The following AARSD1 variants were observed in gnomAD, a reference collection of about 807,000 sequenced individuals.
AARSD1 encodes the protein alanyl-tRNA editing protein Aarsd1.
AARSD1 carries 44 observed loss-of-function variants against 48.7 expected under a neutral mutation model. The observed-to-expected ratio is 0.90, with a 90% CI of 0.71 to 1.16. AARSD1 has a LOEUF of 1.16. Among genes scored for constraint, AARSD1 ranks in the 50% most tolerant of loss-of-function variants. AARSD1 has a pLI of 0.00. For synonymous variants in AARSD1, 189 were observed against 194.9 expected (o/e 0.97, Z 0.25); for missense variants, 511 against 523.1 (o/e 0.98, Z 0.23).
intron 8 of AARSD1, 47 bp from the exon 9 acceptor site, chr17:42,955,014 T>C (rs1179091560): frequency 6.2e-7 from 1 of 1,613,082 alleles, no homozygotes; most frequent in Admixed American, 1.7e-5. Context: ...AGGATAACAA[T>C]AGAGAGTATC....
Position 42,961,193 on chromosome 17 carries a change from T to C in AARSD1, c.330A>G (p.Ser110=), listed in dbSNP as rs774882586. ...TATGTCCCCCATCCCAGCCTTTACC[T>C]GAATGCTGCTGCATGTGGTCAAACC... ...ERRFDHMQQH[S]GQHLITAVAD... is the part of the protein sequence containing the mutation. Residue 110 remains serine (S), a splice_region_variant and synonymous_variant, in exon 3 of 12, where the codon TCA becomes TCG. Transcript: ENST00000427569. 3 of 1,609,674 alleles carry C rather than the reference T, an allele frequency of 1.9e-6. No individual in the cohort carries two copies. The highest frequency in any genetic ancestry group is 2.5e-6 in the Non-Finnish European group (3 of 1,176,916).
At chr17:42,954,253 G>A (rs1262255983) in intron 9 of AARSD1, among the ~76,000 whole-genome samples, 2 of 151,996 alleles carry the variant, frequency 1.3e-5, no homozygotes, top group African/African-American at 4.8e-5. Flanking sequence ...CTACTCGGGA[G>A]GCTGAAGCAC....
intron 11 of AARSD1, 111 bp downstream of exon 11, chr17:42,951,689 T>C (rs2049480794): frequency 6.1e-6 from 7 of 1,145,858 alleles, no homozygotes. Flanking sequence ...CACATGCCCA[T>C]GATGTGAATT....
Position 42,953,878 on chromosome 17 carries a change from G to A in AARSD1, c.954-100C>T, listed in dbSNP as rs143299815. On this transcript the variant is annotated intron_variant, in intron 9 of 11. Transcript: ENST00000427569. ...TTCTGAGGCTGGCCTTGCTGCCTAT[G>A]TACACATAAAGTCCCATATCCCTTA... 719 of 1,473,796 alleles carry A rather than the reference G, an allele frequency of 4.9e-4. 5 individuals are homozygous for A. The African/African-American group carries it at 9.0e-3, about 18-fold the overall frequency. The allele number at this position is 1,473,796 out of a possible 1,614,324, so 91.3% of individuals were successfully genotyped here.
At chr17:42,954,075 T>C in intron 9 of AARSD1, 1 of 364,934 alleles carries the variant, frequency 2.7e-6, no homozygotes, top group Admixed American at 3.7e-5. Context: ...AGATACAGGC[T>C]GGACACAGTG....
rs1422630787 is a variant in AARSD1 at position 42,956,530 on chromosome 17, C to T, written c.420G>A (p.Glu140=). Reference sequence around the variant, plus strand: ...CTGCAGTCATAGAGGGGGTGTCCAGCTCAATCGCACTCCGAAATCTCCCTA... The same window carrying T: ...CTGCAGTCATAGAGGGGGTGTCCAGTTCAATCGCACTCCGAAATCTCCCTA... ...WELGRFRSAI[E]LDTPSMTAEQ... Residue 140 remains glutamate (E), a synonymous_variant, in exon 5 of 12, where the codon GAG becomes GAA. Coordinates refer to ENST00000427569, the MANE Select transcript of AARSD1 (RefSeq NM_001261434.2). 3 of 1,613,656 alleles carry T rather than the reference C, an allele frequency of 1.9e-6. No individual in the cohort carries two copies. Among genetic ancestry groups the T allele is most frequent in the Middle Eastern group, 1.7e-4 (1 of 6,060 alleles).
Position 42,961,185 on chromosome 17 carries a change from C to A in AARSD1, c.331+7G>T. ...TCCGGTGTTATGTCCCCCATCCCAGCCTTTACCTGAATGCTGCTGCATGTG... is the reference window on the plus strand; with the variant it reads ...TCCGGTGTTATGTCCCCCATCCCAGACTTTACCTGAATGCTGCTGCATGTG... On this transcript the variant is annotated splice_region_variant and intron_variant, in intron 3 of 11. Coordinates refer to ENST00000427569, the MANE Select transcript of AARSD1 (RefSeq NM_001261434.2). 6.2e-7 allele frequency: 1 copy of A among 1,608,216 alleles called. No individual in the cohort carries two copies. The highest frequency in any genetic ancestry group is 8.5e-7 in the Non-Finnish European group (1 of 1,175,864).
At chr17:42,958,230 G>T (rs1038903129) in intron 3 of AARSD1, among the ~76,000 whole-genome samples, 1 of 152,082 alleles carries the variant, frequency 6.6e-6, no homozygotes, top group African/African-American at 2.4e-5. Context: ...AGTCAGGCGC[G>T]GTGGCTCACT....
At chr17:42,950,800 T>C (rs1262661373) in intron 11 of AARSD1, 72 bp from the exon 12 acceptor site, 16 of 1,545,198 alleles carry the variant, frequency 1.0e-5, no homozygotes, top group Non-Finnish European at 1.2e-5. Flanking sequence ...CAGCTCTGAG[T>C]CTTTTTCCAG....
intron 3 of AARSD1, among the ~76,000 whole-genome samples, chr17:42,957,854 T>A (rs1241637525): frequency 6.6e-6 from 1 of 151,786 alleles, no homozygotes; most frequent in Non-Finnish European, 1.5e-5. Context: ...GGGCTTGACA[T>A]AAGAGATACA....
chr17:42,953,495 G>C (rs1597712261), intron 10 of AARSD1, among the ~76,000 whole-genome samples: 1 of 152,330 alleles, frequency 6.6e-6, no homozygotes, highest in South Asian at 2.1e-4. Flanking sequence ...AAGGAGCTCA[G>C]AAGCTAATAA....
In AARSD1 at chr17:42,956,252, A is replaced by C; in HGVS notation, c.615T>G (p.Asp205Glu). ...CATGGGTCCCACAGCACATGTTGGAATCAACGCCCTCGATGTTAACAACCC... is the reference window on the plus strand; with the variant it reads ...CATGGGTCCCACAGCACATGTTGGACTCAACGCCCTCGATGTTAACAACCC... ...PIRVVNIEGV[D>E]SNMCCGTHVS... The change falls in exon 6 of 12, where the codon GAT (aspartate) becomes GAG (glutamate). Residue 205 changes from aspartate to glutamate, a missense_variant. Coordinates refer to ENST00000427569, the MANE Select transcript of AARSD1 (RefSeq NM_001261434.2). The C allele has an allele frequency of 6.2e-7, 1 of 1,614,126 alleles. No homozygotes were observed. Among genetic ancestry groups the C allele is most frequent in the Non-Finnish European group, 8.5e-7 (1 of 1,180,036 alleles).
At chr17:42,959,775 T>C (rs1489841218) in intron 3 of AARSD1, among the ~76,000 whole-genome samples, 2 of 151,670 alleles carry the variant, frequency 1.3e-5, no homozygotes, top group African/African-American at 4.8e-5. Flanking sequence ...GCGATTCTCC[T>C]GTGTCAGCCT....
chr17:42,954,764 T>C (rs1167651961), intron 9 of AARSD1, 112 bp downstream of exon 9: 2 of 1,219,486 alleles, frequency 1.6e-6, no homozygotes, highest in African/African-American at 3.0e-5. Flanking sequence ...TACTCAACCT[T>C]GAGAATACCA....
intron 3 of AARSD1, among the ~76,000 whole-genome samples, chr17:42,959,391 T>C (rs1028899768): frequency 2.6e-5 from 4 of 151,298 alleles, no homozygotes; most frequent in African/African-American, 9.7e-5. Flanking sequence ...AATTTTTGTG[T>C]TTTTAGTAGA....
chr17:42,960,578 T>C (rs1301078825), intron 3 of AARSD1, among the ~76,000 whole-genome samples: 1 of 150,752 alleles, frequency 6.6e-6, no homozygotes, highest in East Asian at 2.0e-4. Flanking sequence ...CAAAATTAGC[T>C]GGGCATGGTG....
At chr17:42,954,432 CTT>C (rs200812055) in intron 9 of AARSD1, among the ~76,000 whole-genome samples, 3 of 147,724 alleles carry the variant, frequency 2.0e-5, no homozygotes, top group African/African-American at 7.5e-5. Context: ...TAACATATTT[CTT>C]TTTTTTTTTA....
rs1171841058 is a variant in AARSD1, at chr17:42,964,402, C to T, written c.39G>A (p.Glu13=). 1.3e-6 allele frequency: 2 copies of T among 1,551,856 alleles called. No individual in the cohort carries two copies. The highest frequency in any genetic ancestry group is 4.9e-5 in the East Asian group (2 of 40,964). Residue 13 remains glutamate (E), a splice_region_variant and synonymous_variant, in exon 1 of 12, where the codon GAG becomes GAA. Transcript: ENST00000427569. ...FWCQRDSYAR[E]FTTTVVSCCP... Reference sequence around the variant, plus strand: ...CAAGTGCCTCGCCGTGACGCCGTACCTCTCGGGCATAACTGTCACGCTGAC... The same window carrying T: ...CAAGTGCCTCGCCGTGACGCCGTACTTCTCGGGCATAACTGTCACGCTGAC...
At chr17:42,952,258 T>A (rs2049489577) in intron 10 of AARSD1, 1 of 291,946 alleles carries the variant, frequency 3.4e-6, no homozygotes, top group Non-Finnish European at 6.7e-6. Flanking sequence ...CCCTTGTCTG[T>A]CTGATGACCT....
Sources: allele counts gnomAD v4.1 joint callset (sites outside exome capture counted in the v4.1 genomes callset), GRCh38; gene constraint gnomAD v4.1.1; transcripts MANE v1.5; gene names NCBI Gene and HGNC (gene_info 2026-07-23, HGNC 2026-07-21).